TEKT4: variants seen among roughly 807,000 people sequenced by gnomAD.
TEKT4 encodes tektin-4.
Under a neutral mutation model 46.0 loss-of-function variants are expected in TEKT4, and 46 were observed. That is an observed-to-expected ratio of 1.00 (90% CI 0.79 to 1.28). The LOEUF (loss-of-function observed/expected upper bound fraction) is 1.28. Among genes scored for constraint, TEKT4 ranks in the 50% most tolerant of loss-of-function variants. The probability of loss-of-function intolerance (pLI) is 0.00; values close to 1 mark genes in which losing one functional copy is unlikely to be tolerated. For missense variants in TEKT4, 790 were observed against 622.9 expected (o/e 1.27, Z -2.85); for synonymous variants, 325 against 265.8 (o/e 1.22, Z -2.17).
chr2:94,873,868 T>C (rs1376603173), intron 2 of TEKT4, 97 bp from the exon 3 acceptor site: 1 of 1,528,712 alleles, frequency 6.5e-7, no homozygotes, highest in African/African-American at 1.4e-5. Flanking sequence ...CAGAACTCCC[T>C]CCTGAGGCAG....
At position 94,874,108 on chromosome 2, in the gene TEKT4, G is replaced by C. The variant is rs1680712872; in HGVS notation, c.713G>C (p.Ser238Thr). The change falls in exon 3 of 6, where the codon AGC (serine) becomes ACC (threonine). Residue 238 changes from serine to threonine, a missense_variant and splice_region_variant. By Grantham distance (58) the Ser-to-Thr change is moderately conservative. Transcript: ENST00000295201. Reference protein sequence around the residue: ...AHPYSTTFQESASTPETRAKF... With the variant: ...AHPYSTTFQETASTPETRAKF... ...CCGTACTCCACCACCTTCCAAGAGAGGTGGGCCCCAGCTCTGCCCCTGCAC... is the reference window on the plus strand; with the variant it reads ...CCGTACTCCACCACCTTCCAAGAGACGTGGGCCCCAGCTCTGCCCCTGCAC... 1 of 1,613,352 alleles carries C rather than the reference G, an allele frequency of 6.2e-7. No homozygotes were observed. Among genetic ancestry groups the C allele is most frequent in the Non-Finnish European group, 8.5e-7 (1 of 1,179,858 alleles).
chr2:94,871,570 G>A lies in TEKT4; in HGVS notation c.-10G>A, dbSNP rs1386668533. 6 of 1,589,192 alleles carry A rather than the reference G, an allele frequency of 3.8e-6. No homozygotes were observed. Among genetic ancestry groups the A allele is most frequent in the East Asian group, 2.3e-5 (1 of 44,250 alleles). On this transcript the variant is annotated 5_prime_UTR_variant, in exon 1 of 6. Coordinates refer to ENST00000295201, the MANE Select transcript of TEKT4 (RefSeq NM_144705.4). ...CCTCACTCCCCTGGCCCTGGTGGGC[G>A]GCAGGCACCATGGCGCAGACAGTGC...
At chr2:94,873,282 C>T in intron 1 of TEKT4, 1 of 1,383,464 alleles carries the variant, frequency 7.2e-7, no homozygotes, top group East Asian at 2.9e-5. Flanking sequence ...GCTGAGGGAC[C>T]TTCCCAGCAG....
intron 5 of TEKT4, among the ~76,000 whole-genome samples, chr2:94,876,094 G>C (rs1354388783): frequency 6.6e-6 from 1 of 152,210 alleles, no homozygotes; most frequent in Non-Finnish European, 1.5e-5. Flanking sequence ...CTGCTGCCCT[G>C]AGCGTGCTGT....
intron 4 of TEKT4, 34 bp from the exon 5 acceptor site, chr2:94,875,554 G>A (rs1553396182): frequency 1.2e-6 from 2 of 1,613,188 alleles, no homozygotes; most frequent in South Asian, 1.1e-5. Context: ...CGGGCATGGG[G>A]GCACAGGCCC....
chr2:94,872,865 C>T (rs567825302), intron 1 of TEKT4: 186 of 1,289,230 alleles, frequency 1.4e-4, no homozygotes, highest in Non-Finnish European at 1.7e-4. Flanking sequence ...CTGCAGCTCC[C>T]GCAAACTCTC....
intron 2 of TEKT4, among the ~76,000 whole-genome samples, 156 bp downstream of exon 2, chr2:94,873,746 G>A (rs1680688876): frequency 6.6e-6 from 1 of 152,212 alleles, no homozygotes. Context: ...TTCCGGCGCA[G>A]CCTGAGGTTG....
At chr2:94,872,791 C>T in intron 1 of TEKT4, 1 of 1,287,076 alleles carries the variant, frequency 7.8e-7, no homozygotes, top group Non-Finnish European at 1.0e-6. Flanking sequence ...CATGCCTTCC[C>T]TCCTCCCTTC....
Position 94,874,992 on chromosome 2 carries a change from G to C in TEKT4, c.930G>C (p.Leu310=). 1 of 1,601,240 alleles carries C rather than the reference G, an allele frequency of 6.2e-7. No homozygotes were observed. Among genetic ancestry groups the C allele is most frequent in the Non-Finnish European group, 8.5e-7 (1 of 1,174,938 alleles). The change falls in exon 4 of 6, where the codon CTG becomes CTC. Residue 310 remains leucine (L), a synonymous_variant. Coordinates refer to ENST00000295201, the MANE Select transcript of TEKT4 (RefSeq NM_144705.4). The part of the protein sequence containing the change: ...EDARYKLHHH[L]HKTLREITDQ... Reference sequence around the variant, plus strand: ...CGCGGTACAAGCTGCATCACCACCTGCACAAGGTGGGGCACCCTGAACCCC... The same window carrying C: ...CGCGGTACAAGCTGCATCACCACCTCCACAAGGTGGGGCACCCTGAACCCC...
chr2:94,872,237 C>A, intron 1 of TEKT4, 160 bp downstream of exon 1: 2 of 930,464 alleles, frequency 2.1e-6, no homozygotes, highest in South Asian at 1.8e-5. Context: ...CCCTTAGTGA[C>A]AGGAGGCAGC....
Position 94,876,688 on chromosome 2 carries a change from C to T in TEKT4, c.1227C>T (p.Asn409=), listed in dbSNP as rs17120062. ...SLEKDIAAMT[N]SLFIDRQKCM... The stretch of plus-strand genomic sequence containing the variant: ...AGAAGGACATTGCCGCCATGACCAA[C>T]AGTCTCTTCATCGACCGCCAGAAGT... Residue 409 remains asparagine (N), a synonymous_variant, in exon 6 of 6, where the codon AAC becomes AAT. Coordinates refer to ENST00000295201, the MANE Select transcript of TEKT4 (RefSeq NM_144705.4). The T allele has an allele frequency of 6.2e-7, 1 of 1,613,216 alleles. No homozygotes were observed. Among genetic ancestry groups the T allele is most frequent in the Non-Finnish European group, 8.5e-7 (1 of 1,179,984 alleles).
chr2:94,873,386 TACAC>T, intron 1 of TEKT4, 130 bp from the exon 2 acceptor site: 1 of 1,527,344 alleles, frequency 6.5e-7, no homozygotes, highest in Middle Eastern at 2.4e-4. Flanking sequence ...GAGCAGAACT[TACAC>T]AGTCAGAGCT....
chr2:94,874,219 C>G, intron 3 of TEKT4, 111 bp downstream of exon 3: 1 of 1,244,324 alleles, frequency 8.0e-7, no homozygotes, highest in East Asian at 2.5e-5. Context: ...CCCTCGCCCC[C>G]GAGGGCACTT....
At position 94,876,622 on chromosome 2, in the gene TEKT4, G is replaced by A. The variant is rs199991421; in HGVS notation, c.1161G>A (p.Glu387=). 1.2e-5 allele frequency: 20 copies of A among 1,612,844 alleles called. No individual in the cohort carries two copies. Among genetic ancestry groups the A allele is most frequent in the East Asian group, 2.2e-5 (1 of 44,872 alleles). Reference sequence around the variant, plus strand: ...TGCGAGAGAAGCTTCTAGAAGCGGAGCAGTCCCTGCGCAACCTCGAGGACA... The same window carrying A: ...TGCGAGAGAAGCTTCTAGAAGCGGAACAGTCCCTGCGCAACCTCGAGGACA... ...TALREKLLEA[E]QSLRNLEDIH... is the part of the protein sequence containing the mutation. The change falls in exon 6 of 6, where the codon GAG becomes GAA. Residue 387 remains glutamate (E), a synonymous_variant. Transcript: ENST00000295201.
intron 1 of TEKT4, chr2:94,872,906 G>A: frequency 7.8e-7 from 1 of 1,289,390 alleles, no homozygotes; most frequent in South Asian, 1.2e-5. Flanking sequence ...GCCAACTGAT[G>A]GAGACACTGA....
chr2:94,872,252 C>A, intron 1 of TEKT4, 175 bp downstream of exon 1: 1 of 743,680 alleles, frequency 1.3e-6, no homozygotes, highest in Non-Finnish European at 2.1e-6. Flanking sequence ...GGCAGCTTTG[C>A]CCCAGAAGAC....
At chr2:94,872,648 C>T (rs111962632) in intron 1 of TEKT4, 8 of 390,436 alleles carry the variant, frequency 2.0e-5, no homozygotes, top group Non-Finnish European at 3.8e-5. Flanking sequence ...AATTCTCTGA[C>T]CTCTCAGAGC....
chr2:94,876,447 AG>A (rs1680857713), intron 5 of TEKT4, 105 bp from the exon 6 acceptor site: 1 of 939,908 alleles, frequency 1.1e-6, no homozygotes, highest in Admixed American at 2.2e-5. Flanking sequence ...GAGTCTTCCC[AG>A]GACCTCCTGC....
chr2:94,876,692 C>G lies in TEKT4; in HGVS notation c.1231C>G (p.Leu411Val), dbSNP rs782237819. 2.8e-5 allele frequency: 45 copies of G among 1,613,138 alleles called. No homozygotes were observed. The South Asian group carries it at 4.8e-4, about 17-fold the overall frequency. ...EKDIAAMTNSLFIDRQKCMAH... is the reference protein window; with the variant it reads ...EKDIAAMTNSVFIDRQKCMAH... ...GGACATTGCCGCCATGACCAACAGT[C>G]TCTTCATCGACCGCCAGAAGTGCAT... Residue 411 changes from leucine (L) to valine (V), a missense_variant, in exon 6 of 6, where the codon CTC (leucine) becomes GTC (valine). Transcript: ENST00000295201.
Sources: gnomAD v4.1 joint callset for allele counts (sites outside exome capture counted in the v4.1 genomes callset) on GRCh38, gnomAD v4.1.1 for gene constraint, MANE v1.5 for transcripts, NCBI Gene and HGNC (gene_info 2026-07-23, HGNC 2026-07-21) for gene names.